The following MEGF9 variants were observed in gnomAD, a reference collection of about 807,000 sequenced individuals.
MEGF9 encodes multiple epidermal growth factor-like domains protein 9.
A neutral mutation model predicts 46.8 loss-of-function variants in MEGF9; 6 were observed. The observed-to-expected ratio is 0.13, with a 90% CI of 0.07 to 0.25. MEGF9 has a LOEUF of 0.25. Ranked by LOEUF, MEGF9 falls within the 10% of genes least tolerant of loss-of-function variation. The pLI, the probability that MEGF9 is intolerant of heterozygous loss-of-function variation, is 1.00. For missense variants in MEGF9, 683 were observed against 792.4 expected (o/e 0.86, Z 1.66); for synonymous variants, 302 against 330.7 (o/e 0.91, Z 0.94).
At chr9:120,621,868 A>G (rs2043500779) in intron 3 of MEGF9, among the ~76,000 whole-genome samples, 1 of 146,836 alleles carries the variant, frequency 6.8e-6, no homozygotes, top group African/African-American at 2.7e-5. Flanking sequence ...GAGTTAATCA[A>G]CTTCTGGTTC....
chr9:120,707,209 T>G (rs1275161074), intron 1 of MEGF9, among the ~76,000 whole-genome samples: 2 of 152,356 alleles, frequency 1.3e-5, no homozygotes, highest in East Asian at 3.9e-4. Flanking sequence ...ACATAGTAAG[T>G]GTGCTTGTAA....
At chr9:120,637,299 G>A (rs552037832) in intron 2 of MEGF9, among the ~76,000 whole-genome samples, 2 of 152,144 alleles carry the variant, frequency 1.3e-5, no homozygotes, top group South Asian at 2.1e-4. Flanking sequence ...AGGCCGCAGG[G>A]TCCTCTGCCT....
chr9:120,655,453 C>A (rs956842450), intron 2 of MEGF9, among the ~76,000 whole-genome samples: 1 of 152,108 alleles, frequency 6.6e-6, no homozygotes, highest in African/African-American at 2.4e-5. Context: ...TAAGTACATT[C>A]TATGATGCTG....
chr9:120,705,680 T>C (rs1315549010), intron 1 of MEGF9, among the ~76,000 whole-genome samples: 3 of 152,012 alleles, frequency 2.0e-5, no homozygotes, highest in Non-Finnish European at 4.4e-5. Context: ...TCTAAAAGGA[T>C]AAATATTTTT....
At chr9:120,626,457 C>T (rs2043526038) in intron 2 of MEGF9, among the ~76,000 whole-genome samples, 1 of 152,124 alleles carries the variant, frequency 6.6e-6, no homozygotes, top group Non-Finnish European at 1.5e-5. Context: ...TAGAAAAAAG[C>T]ATTTTTTAAG....
intron 2 of MEGF9, among the ~76,000 whole-genome samples, chr9:120,654,115 G>GACAC: frequency 6.6e-6 from 1 of 152,340 alleles, no homozygotes; most frequent in South Asian, 2.1e-4. Context: ...CCAGAAGTAA[G>GACAC]AGTGTGAGAC....
chr9:120,674,553 G>GTTTC (rs993155177), intron 1 of MEGF9, among the ~76,000 whole-genome samples: 58 of 152,094 alleles, frequency 3.8e-4, no homozygotes, highest in African/African-American at 1.2e-3. Context: ...TAATTTGACA[G>GTTTC]TTTCTTTCTT....
At position 120,677,462 on chromosome 9, in the gene MEGF9, G is replaced by GTGAAATCAAATCAAA. The variant is rs2043778378; in HGVS notation, c.602-17902_602-17888dup. The stretch of plus-strand genomic sequence containing the variant: ...TTCCAATCTGTTTTTCTGTAAGCAA[G>GTGAAATCAAATCAAA]TGAAATCAAATCAAATGATTACCAA... On this transcript the variant is annotated intron_variant, in intron 1 of 5. Coordinates refer to ENST00000373930, the MANE Select transcript of MEGF9 (RefSeq NM_001080497.3). Among the ~76,000 whole-genome samples, 4 of 152,106 alleles carry GTGAAATCAAATCAAA rather than the reference G, an allele frequency of 2.6e-5. No individual in the cohort carries two copies. The South Asian group carries it at 8.3e-4, about 32-fold the overall frequency.
intron 3 of MEGF9, among the ~76,000 whole-genome samples, chr9:120,622,222 T>C (rs567854514): frequency 6.6e-6 from 1 of 152,328 alleles, no homozygotes; most frequent in African/African-American, 2.4e-5. Flanking sequence ...CTCAAATGAC[T>C]GCCAAAAACA....
At chr9:120,660,345 A>G (rs968802157) in intron 1 of MEGF9, among the ~76,000 whole-genome samples, 13 of 152,198 alleles carry the variant, frequency 8.5e-5, no homozygotes, top group Non-Finnish European at 1.8e-4. Flanking sequence ...TGTAATAATC[A>G]TATCAGGATA....
At chr9:120,637,336 T>G (rs1285604427) in intron 2 of MEGF9, among the ~76,000 whole-genome samples, 1 of 152,032 alleles carries the variant, frequency 6.6e-6, no homozygotes, top group African/African-American at 2.4e-5. Flanking sequence ...TTTGTTCACA[T>G]GTTTATCTGC....
intron 1 of MEGF9, chr9:120,689,831 T>C (rs1396831762): frequency 2.3e-6 from 1 of 439,900 alleles, no homozygotes. Flanking sequence ...CCTAAAGTCA[T>C]TATGCTCTTC....
At chr9:120,611,863 GAA>G (rs1437585095) in intron 4 of MEGF9, among the ~76,000 whole-genome samples, 36 of 129,902 alleles carry the variant, frequency 2.8e-4, no homozygotes, top group African/African-American at 8.3e-4. Context: ...AAGGAAGGAA[GAA>G]AGAGAGAGAG....
rs560870459 is a variant in MEGF9 at position 120,665,309 on chromosome 9, G to A, written c.602-5734C>T. On this transcript the variant is annotated intron_variant, in intron 1 of 5. Coordinates refer to ENST00000373930, the MANE Select transcript of MEGF9 (RefSeq NM_001080497.3). Reference sequence around the variant, plus strand: ...CAACCTCTGCCTCCCAGGTTCAAGCGATTCTCCTGCCTCAGCCTCCTAAGT... The same window carrying A: ...CAACCTCTGCCTCCCAGGTTCAAGCAATTCTCCTGCCTCAGCCTCCTAAGT... Among the ~76,000 whole-genome samples, 18 of 151,964 alleles carry A rather than the reference G, an allele frequency of 1.2e-4. No individual in the cohort carries two copies. The East Asian group carries it at 2.3e-3, about 20-fold the overall frequency.
intron 2 of MEGF9, among the ~76,000 whole-genome samples, chr9:120,636,395 G>A (rs1308452836): frequency 6.6e-6 from 1 of 152,150 alleles, no homozygotes; most frequent in African/African-American, 2.4e-5. Flanking sequence ...TTCAATGTCA[G>A]CAATAACTGT....
chr9:120,688,159 ACACACACACACG>A (rs1353209807), intron 1 of MEGF9, among the ~76,000 whole-genome samples: 2,599 of 151,164 alleles, frequency 0.017, 85 homozygotes, highest in African/African-American at 0.062. Context: ...ACACACACAC[ACACACACACACG>A]CACGCACACA....
At chr9:120,642,619 A>G (rs759774529) in intron 2 of MEGF9, among the ~76,000 whole-genome samples, 11 of 152,246 alleles carry the variant, frequency 7.2e-5, no homozygotes, top group Non-Finnish European at 1.3e-4. Flanking sequence ...TTCGGTGAAC[A>G]TGTTAGTCAA....
At chr9:120,678,903 T>A (rs2043785467) in intron 1 of MEGF9, among the ~76,000 whole-genome samples, 1 of 152,146 alleles carries the variant, frequency 6.6e-6, no homozygotes, top group African/African-American at 2.4e-5. Flanking sequence ...ATCAGAGAAA[T>A]GCAAATCAAA....
chr9:120,713,616 T>G, intron 1 of MEGF9, 142 bp downstream of exon 1: 1 of 1,158,614 alleles, frequency 8.6e-7, no homozygotes, highest in Non-Finnish European at 1.1e-6. Context: ...GGAGACTAGC[T>G]GGACCTGGGA....
Sources: allele counts gnomAD v4.1 joint callset (sites outside exome capture counted in the v4.1 genomes callset), GRCh38; gene constraint gnomAD v4.1.1; transcripts MANE v1.5; gene names NCBI Gene and HGNC (gene_info 2026-07-23, HGNC 2026-07-21).